Variants in LPCAT1 observed in about 807,000 individuals in gnomAD.
LPCAT1 encodes 1-acylglycerol-3-phosphate O-acyltransferase.
A neutral mutation model predicts 60.9 loss-of-function variants in LPCAT1; 23 were observed. The ratio of observed to expected loss-of-function variants is 0.38; its 90% CI spans 0.27 to 0.53. The LOEUF (loss-of-function observed/expected upper bound fraction) is 0.53, where lower values mean the gene tolerates loss of function less well. Among genes scored for constraint, LPCAT1 ranks in the 20% least tolerant of loss-of-function variants. The pLI is 0.82. For synonymous variants in LPCAT1, 340 were observed against 301.1 expected (o/e 1.13, Z -1.34); for missense variants, 622 against 723.6 (o/e 0.86, Z 1.61).
chr5:1,465,665 G>A lies in LPCAT1; in HGVS notation c.1420+1084C>T, dbSNP rs1347388120. ...ACAGACACGGTAACTAAACACGTGC[G>A]CTTTCAAAATGGAAACAAGCATGCA... On this transcript the variant is annotated intron_variant, in intron 13 of 13. Transcript: ENST00000283415. Among the ~76,000 whole-genome samples the A allele has an allele frequency of 3.3e-5, 5 of 150,870 alleles. No individual in the cohort carries two copies. The East Asian group carries it at 5.9e-4, about 18-fold the overall frequency.
chr5:1,494,776 G>A lies in LPCAT1; in HGVS notation c.417C>T (p.Phe139=), dbSNP rs369309184. ...ILTLAPHSSY[F]DAIPVTMTMS... ...TCGTCATGGTCACAGGGATGGCGTC[G>A]AAGTAGGACGAGTGAGGCGCGAGCG... The change falls in exon 3 of 14, where the codon TTC becomes TTT. Residue 139 remains phenylalanine (F), a synonymous_variant. Transcript: ENST00000283415. 35 of 1,614,190 alleles carry A rather than the reference G, an allele frequency of 2.2e-5. No homozygotes were observed. The highest frequency in any genetic ancestry group is 2.6e-5 in the Non-Finnish European group (31 of 1,180,014).
In LPCAT1 at chr5:1,477,406, G is replaced by C. The variant is rs781371900; in HGVS notation, c.897C>G (p.Ala299=). ...LYASNVRRVM[A]EALGVSVTDY... is the part of the protein sequence containing the mutation. ...GGGGGAAGGAGCTGCTCACTTACTCGGCCATGACTCGCCGCACGTTGCTGG... is the reference window on the plus strand; with the variant it reads ...GGGGGAAGGAGCTGCTCACTTACTCCGCCATGACTCGCCGCACGTTGCTGG... The change falls in exon 9 of 14, where the codon GCC becomes GCG. Residue 299 remains alanine (A), a splice_region_variant and synonymous_variant. Transcript: ENST00000283415. This position sits in a 1 kb window ranked among gnomAD's most constrained non-coding sequence, Gnocchi z 6.0. The C allele has an allele frequency of 2.5e-6, 4 of 1,613,684 alleles. No individual in the cohort carries two copies. The East Asian group carries it at 8.9e-5, about 36-fold the overall frequency.
intron 1 of LPCAT1, among the ~76,000 whole-genome samples, chr5:1,509,891 C>T (rs996812487): frequency 5.3e-5 from 8 of 152,298 alleles, no homozygotes; most frequent in South Asian, 2.1e-4. Context: ...AGGCACGGCC[C>T]GCACCCCAGG....
chr5:1,489,665 C>G, intron 4 of LPCAT1, 81 bp downstream of exon 4: 1 of 1,031,714 alleles, frequency 9.7e-7, no homozygotes, highest in South Asian at 1.3e-5. Flanking sequence ...AGGAAGGGCC[C>G]CAGTTTCTTT....
intron 1 of LPCAT1, among the ~76,000 whole-genome samples, chr5:1,520,041 C>T (rs1736623842): frequency 1.3e-5 from 2 of 152,228 alleles, no homozygotes; most frequent in South Asian, 4.1e-4. Context: ...GCAGGCAGCA[C>T]CCAGGGACCC....
chr5:1,474,987 G>A (rs1734842754), intron 9 of LPCAT1, among the ~76,000 whole-genome samples: 1 of 152,228 alleles, frequency 6.6e-6, no homozygotes, highest in South Asian at 2.1e-4. Flanking sequence ...GACACGAAGT[G>A]AGCTCATGGT....
chr5:1,479,447 C>T, intron 8 of LPCAT1, 174 bp downstream of exon 8: 1 of 617,088 alleles, frequency 1.6e-6, no homozygotes, highest in East Asian at 2.7e-5. Context: ...GACATAAAGT[C>T]ATTGAGGTAA....
chr5:1,499,727 C>G (rs1047942764), intron 2 of LPCAT1, among the ~76,000 whole-genome samples: 2 of 152,230 alleles, frequency 1.3e-5, no homozygotes, highest in Non-Finnish European at 2.9e-5. Flanking sequence ...CCCCAACGCC[C>G]AGGCTGCCCT....
chr5:1,484,095 C>T (rs985412333), intron 5 of LPCAT1, among the ~76,000 whole-genome samples: 4 of 152,230 alleles, frequency 2.6e-5, no homozygotes, highest in Admixed American at 2.0e-4. Flanking sequence ...GCTCCAAGGA[C>T]GGGCGGATTT....
rs185930519 is a variant in LPCAT1, at chr5:1,483,665, C to T, written c.668-179G>A. The stretch of plus-strand genomic sequence containing the variant: ...TGTCCTGACCGTAAACACCCAGCGC[C>T]ACAGCACGGATGGGCAGGAACATCG... On this transcript the variant is annotated intron_variant, in intron 5 of 13. Coordinates refer to ENST00000283415, the MANE Select transcript of LPCAT1 (RefSeq NM_024830.5). The surrounding 1 kb of genome is among the most constrained non-coding windows in gnomAD (Gnocchi z 9.2). 6.6e-6 allele frequency among the ~76,000 whole-genome samples: 1 copy of T among 152,358 alleles called. No individual in the cohort carries two copies. The highest frequency in any genetic ancestry group is 2.4e-5 in the African/African-American group (1 of 41,572).
rs1736674303 is a variant in LPCAT1 at position 1,521,431 on chromosome 5, G to A, written c.135+2279C>T. 1 of 985,222 alleles carries A rather than the reference G, an allele frequency of 1.0e-6. No homozygotes were observed. Among genetic ancestry groups the A allele is most frequent in the Admixed American group, 6.1e-5 (1 of 16,268 alleles). The allele number at this position is 985,222 out of a possible 1,614,324, so 61.0% of individuals were successfully genotyped here. The stretch of plus-strand genomic sequence containing the variant: ...CTACTGGACCCATTTCTTTCTTTGG[G>A]GAAGAAGGCTTTCTTGGCTTGAAAG... On this transcript the variant is annotated intron_variant, in intron 1 of 13. Coordinates refer to ENST00000283415, the MANE Select transcript of LPCAT1 (RefSeq NM_024830.5). The surrounding 1 kb of genome is among the most constrained non-coding windows in gnomAD (Gnocchi z 4.3).
chr5:1,518,692 G>A (rs939082257), intron 1 of LPCAT1, among the ~76,000 whole-genome samples: 22 of 152,240 alleles, frequency 1.4e-4, no homozygotes, highest in African/African-American at 4.8e-4. Context: ...CCATGGCTGT[G>A]AACAGCAAGC....
intron 13 of LPCAT1, among the ~76,000 whole-genome samples, chr5:1,466,006 C>A (rs1560946315): frequency 6.6e-6 from 1 of 152,228 alleles, no homozygotes; most frequent in Non-Finnish European, 1.5e-5. Context: ...ACGCTGTGCA[C>A]GCAGCTCTCT....
chr5:1,507,029 T>C (rs1012687979), intron 1 of LPCAT1, among the ~76,000 whole-genome samples: 1 of 152,146 alleles, frequency 6.6e-6, no homozygotes, highest in African/African-American at 2.4e-5. Context: ...ATAAGCGGGC[T>C]GTTGCGTGGA....
chr5:1,489,148 T>C (rs369796349), intron 4 of LPCAT1, among the ~76,000 whole-genome samples: 2 of 152,210 alleles, frequency 1.3e-5, no homozygotes, highest in East Asian at 3.9e-4. Flanking sequence ...TGCCTGTGCT[T>C]GTGGGGGCAG....
chr5:1,494,739 C>A lies in LPCAT1; in HGVS notation c.454G>T (p.Val152Leu). 1 of 1,614,218 alleles carries A rather than the reference C, an allele frequency of 6.2e-7. No homozygotes were observed. ...IPVTMTMSSI[V>L]MKAESRDIPI... ...ATGTCTCTGCTCTCTGCCTTCATCA[C>A]GATGGAGGACATCGTCATGGTCACA... Residue 152 changes from valine (V) to leucine (L), a missense_variant, in exon 3 of 14, where the codon GTG becomes TTG. By Grantham distance (32) the Val-to-Leu change is conservative. Transcript: ENST00000283415.
intron 3 of LPCAT1, among the ~76,000 whole-genome samples, chr5:1,493,280 C>A (rs1735658658): frequency 6.6e-6 from 1 of 152,232 alleles, no homozygotes; most frequent in African/African-American, 2.4e-5. Context: ...AGTCTGGACA[C>A]CTTCCGGCTG....
chr5:1,488,043 C>T (rs1338843283), intron 5 of LPCAT1, among the ~76,000 whole-genome samples: 2 of 152,076 alleles, frequency 1.3e-5, no homozygotes, highest in Admixed American at 6.5e-5. Flanking sequence ...GGGTGTGGGG[C>T]GTGAGCTGCA....
chr5:1,509,332 C>T (rs1319855354), intron 1 of LPCAT1, among the ~76,000 whole-genome samples: 3 of 152,238 alleles, frequency 2.0e-5, no homozygotes, highest in Non-Finnish European at 4.4e-5. Flanking sequence ...AAAAAATTAT[C>T]CCAACTCCAC....
Sources: gnomAD v4.1 joint callset for allele counts (sites outside exome capture counted in the v4.1 genomes callset) on GRCh38, gnomAD v4.1.1 for gene constraint, Gnocchi (gnomAD v3.1) non-coding constraint, MANE v1.5 for transcripts, NCBI Gene and HGNC (gene_info 2026-07-23, HGNC 2026-07-21) for gene names.